SLC49A4: variants seen among roughly 807,000 people sequenced by gnomAD.
SLC49A4 encodes solute carrier family 49 member 4.
Under a neutral mutation model 50.6 loss-of-function variants are expected in SLC49A4, and 36 were observed. The observed-to-expected ratio is 0.71, with a 90% CI of 0.55 to 0.94. The LOEUF is 0.94. SLC49A4 is among the 40% of genes least tolerant of loss of function. The pLI, the probability that SLC49A4 is intolerant of heterozygous loss-of-function variation, is 0.00. For synonymous variants in SLC49A4, 248 were observed against 241.2 expected, an observed-to-expected ratio of 1.03 and a Z score of -0.26; for missense variants, 503 against 605.7, an observed-to-expected ratio of 0.83 and a Z score of 1.78.
intron 2 of SLC49A4, among the ~76,000 whole-genome samples, chr3:122,821,189 ACTT>A (rs1334782248): frequency 6.6e-6 from 1 of 151,860 alleles, no homozygotes; most frequent in Non-Finnish European, 1.5e-5. Context: ...AGTCCATTAA[ACTT>A]CTTTTTCTTT....
Position 122,833,378 on chromosome 3 carries a change from T to C in SLC49A4, c.765T>C (p.Pro255=), listed in dbSNP as rs781300882. Residue 255 remains proline, a synonymous_variant, in exon 4 of 9, where the codon CCT becomes CCC. Coordinates refer to ENST00000261038, the MANE Select transcript of SLC49A4 (RefSeq NM_032839.3). ...ATLAYFPPRP[P]LPPSVAAASQ... is the part of the protein sequence containing the mutation. ...TAGCTTATTTCCCACCCCGACCTCC[T>C]CTTCCTCCCAGTGTTGCTGCAGCTA... The C allele has an allele frequency of 6.2e-7, 1 of 1,611,868 alleles. No homozygotes were observed. The highest frequency in any genetic ancestry group is 8.5e-7 in the Non-Finnish European group (1 of 1,178,396).
intron 2 of SLC49A4, among the ~76,000 whole-genome samples, chr3:122,819,850 A>G (rs1010623776): frequency 6.6e-6 from 1 of 151,974 alleles, no homozygotes; most frequent in East Asian, 1.9e-4. Flanking sequence ...TTTTTTTTAA[A>G]GAATATGAGC....
chr3:122,853,793 C>G (rs1013467267), intron 5 of SLC49A4, among the ~76,000 whole-genome samples: 1 of 152,108 alleles, frequency 6.6e-6, no homozygotes, highest in Non-Finnish European at 1.5e-5. Context: ...TTTGGCAGAT[C>G]TGTGCTTCAT....
intron 2 of SLC49A4, among the ~76,000 whole-genome samples, chr3:122,825,900 G>A (rs1385336071): frequency 6.6e-6 from 1 of 152,072 alleles, no homozygotes; most frequent in African/African-American, 2.4e-5. Context: ...TGGTCAACAA[G>A]GAACAGGAGT....
chr3:122,801,143 A>C (rs1175695011), intron 1 of SLC49A4, among the ~76,000 whole-genome samples: 1 of 152,234 alleles, frequency 6.6e-6, no homozygotes, highest in African/African-American at 2.4e-5. Flanking sequence ...GAGCAATCTG[A>C]CAGTGGACCA....
intron 8 of SLC49A4, 77 bp from the exon 9 acceptor site, chr3:122,879,186 G>T (rs1937302672): frequency 9.6e-7 from 1 of 1,046,968 alleles, no homozygotes; most frequent in Non-Finnish European, 1.5e-6. Flanking sequence ...ATGCAGAGCA[G>T]ATTCCTTCCG....
chr3:122,861,313 A>T (rs555416282), intron 7 of SLC49A4, among the ~76,000 whole-genome samples: 13 of 152,310 alleles, frequency 8.5e-5, no homozygotes, highest in Non-Finnish European at 1.5e-4. Flanking sequence ...TCTTTTTAAA[A>T]TTACTATGAC....
At chr3:122,830,495 A>G (rs1052616607) in intron 3 of SLC49A4, among the ~76,000 whole-genome samples, 1 of 152,252 alleles carries the variant, frequency 6.6e-6, no homozygotes, top group Non-Finnish European at 1.5e-5. Flanking sequence ...ATTCTAAAAA[A>G]GTGATACTGC....
chr3:122,828,661 C>T (rs1936569396), intron 3 of SLC49A4, among the ~76,000 whole-genome samples: 1 of 152,112 alleles, frequency 6.6e-6, no homozygotes, highest in African/African-American at 2.4e-5. Context: ...TATTTGATGA[C>T]ATTTACATTT....
intron 6 of SLC49A4, 149 bp from the exon 7 acceptor site, chr3:122,859,926 C>A: frequency 5.8e-6 from 4 of 692,714 alleles, no homozygotes; most frequent in African/African-American, 1.9e-5. Flanking sequence ...TAACATCATA[C>A]AAGAAAATTT....
intron 3 of SLC49A4, among the ~76,000 whole-genome samples, chr3:122,829,658 G>A (rs1236136316): frequency 6.6e-6 from 1 of 152,214 alleles, no homozygotes; most frequent in Non-Finnish European, 1.5e-5. Context: ...GCTGAGGCAC[G>A]AGAATCGTTT....
rs566693219 is a variant in SLC49A4, at chr3:122,872,268, G to T, written c.1139-147G>T. 12 of 665,284 alleles carry T rather than the reference G, an allele frequency of 1.8e-5. No individual in the cohort carries two copies. The African/African-American group carries it at 2.2e-4, about 12-fold the overall frequency. The allele number at this position is 665,284 out of a possible 1,614,324, so 41.2% of individuals were successfully genotyped here. A position where few individuals can be genotyped will look rare whatever the true frequency, so the allele number is the denominator to read the frequency against. On this transcript the variant is annotated intron_variant, in intron 7 of 8. Coordinates refer to ENST00000261038, the MANE Select transcript of SLC49A4 (RefSeq NM_032839.3). ...AAACTGCAGCAAAGAGCTGGCAGAT[G>T]TGTGATGCTTTGTCAAACTTTATCA...
At chr3:122,859,941 T>TAA in intron 6 of SLC49A4, 134 bp from the exon 7 acceptor site, 1 of 884,052 alleles carries the variant, frequency 1.1e-6, no homozygotes. Flanking sequence ...AAATTTGTTT[T>TAA]AAAAAAACAC....
intron 5 of SLC49A4, among the ~76,000 whole-genome samples, chr3:122,851,113 C>T (rs1299369152): frequency 6.6e-6 from 1 of 152,206 alleles, no homozygotes; most frequent in African/African-American, 2.4e-5. Context: ...ATTTAACCCT[C>T]TCCCATCTTT....
At chr3:122,878,013 T>A (rs1937286597) in intron 8 of SLC49A4, among the ~76,000 whole-genome samples, 2 of 152,210 alleles carry the variant, frequency 1.3e-5, no homozygotes. Context: ...AGTCTGTATT[T>A]GTGAGCATAT....
At chr3:122,861,085 T>A (rs1202121177) in intron 7 of SLC49A4, among the ~76,000 whole-genome samples, 1 of 152,214 alleles carries the variant, frequency 6.6e-6, no homozygotes. Flanking sequence ...TCTGCCTTCT[T>A]CTTTCTTCCT....
At chr3:122,824,177 C>T (rs753184996) in intron 2 of SLC49A4, among the ~76,000 whole-genome samples, 5 of 152,168 alleles carry the variant, frequency 3.3e-5, no homozygotes, top group Non-Finnish European at 7.3e-5. Context: ...ATTGGAGTAA[C>T]TTTGCAACAC....
intron 5 of SLC49A4, among the ~76,000 whole-genome samples, chr3:122,852,386 T>A (rs995498847): frequency 1.3e-5 from 2 of 152,240 alleles, no homozygotes; most frequent in African/African-American, 4.8e-5. Flanking sequence ...CAAATTTGTA[T>A]CTCATAATTC....
intron 4 of SLC49A4, among the ~76,000 whole-genome samples, chr3:122,834,344 A>G (rs1349780729): frequency 6.6e-6 from 1 of 152,166 alleles, no homozygotes; most frequent in African/African-American, 2.4e-5. Context: ...ATTTTTATAA[A>G]TCAAAATCAT....
Sources: allele counts gnomAD v4.1 joint callset (sites outside exome capture counted in the v4.1 genomes callset), GRCh38; gene constraint gnomAD v4.1.1; transcripts MANE v1.5; gene names NCBI Gene and HGNC (gene_info 2026-07-23, HGNC 2026-07-21).